The following DENND2B variants were observed in gnomAD, a reference collection of about 807,000 sequenced individuals.
The protein encoded by DENND2B is DENN domain containing 2B.
DENND2B carries 32 observed loss-of-function variants against 116.0 expected under a neutral mutation model. The ratio of observed to expected loss-of-function variants is 0.28; its 90% confidence interval spans 0.21 to 0.37. The LOEUF (loss-of-function observed/expected upper bound fraction) is 0.37, where lower values mean the gene tolerates loss of function less well. Ranked by LOEUF, DENND2B falls within the 10% of genes least tolerant of loss-of-function variation. The pLI is 1.00. For synonymous variants in DENND2B, 588 were observed against 583.9 expected (o/e 1.01, Z -0.10); for missense variants, 1,276 against 1,477.7 (o/e 0.86, Z 2.24).
chr11:8,716,650 C>CTT (rs5789583), intron 5 of DENND2B, among the ~76,000 whole-genome samples: 4 of 145,078 alleles, frequency 2.8e-5, no homozygotes, highest in Non-Finnish European at 6.1e-5. Flanking sequence ...GAGGGTAAAT[C>CTT]TTTTTTTTTT....
intron 4 of DENND2B, among the ~76,000 whole-genome samples, chr11:8,818,061 A>C (rs529676486): frequency 6.7e-6 from 1 of 149,534 alleles, no homozygotes; most frequent in East Asian, 2.0e-4. Context: ...CAGGAGTTTG[A>C]GACCAGCCTG....
In DENND2B at chr11:8,693,720, C is replaced by CAGGT. The variant is rs1191166058; in HGVS notation, c.*375_*376insACCT. On this transcript the variant is annotated 3_prime_UTR_variant, in exon 20 of 20. Transcript: ENST00000313726. Reference sequence around the variant, plus strand: ...CGGGACTGGCAGCGGGGACCTCAGGCAGGCAGGCAGGCCGAAGGCCTCCAG... The same window carrying CAGGT: ...CGGGACTGGCAGCGGGGACCTCAGGCAGGTAGGCAGGCAGGCCGAAGGCCTCCAG... 1 of 208,116 alleles carries CAGGT rather than the reference C, an allele frequency of 4.8e-6. No homozygotes were observed. The highest frequency in any genetic ancestry group is 9.5e-6 in the Non-Finnish European group (1 of 104,794). 12.9% of individuals were successfully genotyped at this position (208,116 alleles called of 1,614,324 possible). A position where few individuals can be genotyped will look rare whatever the true frequency, so the allele number is the denominator to read the frequency against.
chr11:8,791,311 T>C (rs949478392), intron 1 of DENND2B, among the ~76,000 whole-genome samples: 4 of 152,166 alleles, frequency 2.6e-5, no homozygotes, highest in South Asian at 2.1e-4. Flanking sequence ...GCAAAGGGGA[T>C]TCATGCAACT....
At chr11:8,880,107 CACAG>C (rs1240140020) in intron 2 of DENND2B, among the ~76,000 whole-genome samples, 1 of 152,212 alleles carries the variant, frequency 6.6e-6, no homozygotes, top group African/African-American at 2.4e-5. Flanking sequence ...GTTGACATAC[CACAG>C]ACAAAGGACA....
chr11:8,896,066 A>G (rs11042113), intron 1 of DENND2B, among the ~76,000 whole-genome samples: 7,484 of 152,300 alleles, frequency 0.049, 513 homozygotes, highest in African/African-American at 0.16. Context: ...TATAACTTAC[A>G]TTTATTAAAT....
Position 8,730,817 on chromosome 11 carries a change from C to T in DENND2B, c.473G>A (p.Arg158His), listed in dbSNP as rs945683646. 3.1e-6 allele frequency: 5 copies of T among 1,613,160 alleles called. No homozygotes were observed. In the East Asian group the frequency reaches 1.1e-4, roughly 36 times the overall value. ...CTCCCGGATGCCCAGGCTGTGGGCG[C>T]GGGTACCGGTACGGGTCAGCAAGAC... ...RGVLLTRTGT[R>H]AHSLGIREKI... Residue 158 changes from arginine (R) to histidine (H), a missense_variant, in exon 3 of 20, where the codon CGC becomes CAC. By Grantham distance (29) the Arg-to-His change is conservative (BLOSUM62 0). Coordinates refer to ENST00000313726, the MANE Select transcript of DENND2B (RefSeq NM_213618.2). The surrounding 1 kb of genome is among the most constrained non-coding windows in gnomAD (Gnocchi z 4.1).
intron 2 of DENND2B, among the ~76,000 whole-genome samples, chr11:8,733,991 C>A (rs1442358388): frequency 6.6e-6 from 1 of 152,166 alleles, no homozygotes; most frequent in Non-Finnish European, 1.5e-5. Context: ...CCCAGCCTCC[C>A]CACACAGGCC....
chr11:8,697,871 G>A (rs1375920223), intron 16 of DENND2B: 4 of 552,900 alleles, frequency 7.2e-6, no homozygotes, highest in East Asian at 3.5e-5. Context: ...GCTCACGCCA[G>A]TAATCCCAAC....
At chr11:8,713,295 C>A (rs1223139880) in intron 8 of DENND2B, among the ~76,000 whole-genome samples, 4 of 152,114 alleles carry the variant, frequency 2.6e-5, no homozygotes, top group African/African-American at 9.7e-5. Context: ...GCAGGGCCTC[C>A]AGAGAAACAG....
intron 4 of DENND2B, among the ~76,000 whole-genome samples, chr11:8,836,046 T>C (rs1566034228): frequency 6.6e-6 from 1 of 151,844 alleles, no homozygotes; most frequent in African/African-American, 2.4e-5. Context: ...ATGGAATACA[T>C]AAAAACATGG....
intron 4 of DENND2B, among the ~76,000 whole-genome samples, chr11:8,823,375 TAGA>T (rs2061840269): frequency 6.6e-6 from 1 of 152,192 alleles, no homozygotes; most frequent in Non-Finnish European, 1.5e-5. Context: ...CTGGAACTCC[TAGA>T]AGTTTAGGCA....
chr11:8,896,042 T>C lies in DENND2B; in HGVS notation c.-256+14779A>G, dbSNP rs1413839317. On this transcript the variant is annotated intron_variant, in intron 1 of 22. Coordinates refer to the DENND2B transcript ENST00000534127. ...GATATAAATACTTGAATGCAAACAG[T>C]AATATAATCACAGTATAACTTACAT... Among the ~76,000 whole-genome samples the C allele has an allele frequency of 2.6e-5, 4 of 152,290 alleles. No individual in the cohort carries two copies. In the East Asian group the frequency reaches 7.7e-4, roughly 29 times the overall value.
intron 3 of DENND2B, 165 bp from the exon 4 acceptor site, chr11:8,726,374 T>C (rs2133898946): frequency 1.1e-6 from 1 of 913,048 alleles, no homozygotes; most frequent in Non-Finnish European, 1.6e-6. Flanking sequence ...AAGAGACAGA[T>C]GGTCTGAAAG....
chr11:8,778,183 G>A lies in DENND2B; in HGVS notation c.-25-27458C>T, dbSNP rs376070555. Among the ~76,000 whole-genome samples the A allele has an allele frequency of 1.2e-4, 19 of 152,316 alleles. 1 individual carries two copies. In the South Asian group the frequency reaches 1.5e-3, roughly 12 times the overall value. On this transcript the variant is annotated intron_variant, in intron 1 of 19. Transcript: ENST00000313726. Reference sequence around the variant, plus strand: ...GGAAAGAAGTTACCATTGGCCCTTGGATCACCAGCAACTAGCTCGAAAGAG... The same window carrying A: ...GGAAAGAAGTTACCATTGGCCCTTGAATCACCAGCAACTAGCTCGAAAGAG...
At chr11:8,867,118 C>T (rs1386067706) in intron 2 of DENND2B, among the ~76,000 whole-genome samples, 1 of 152,168 alleles carries the variant, frequency 6.6e-6, no homozygotes, top group Non-Finnish European at 1.5e-5. Context: ...GGCCAAACAA[C>T]CAAGTCTCCA....
chr11:8,792,050 C>G (rs985118487), intron 1 of DENND2B, among the ~76,000 whole-genome samples: 7 of 151,804 alleles, frequency 4.6e-5, no homozygotes, highest in Non-Finnish European at 8.8e-5. Context: ...TACAAAAATA[C>G]AAAAATTAGC....
chr11:8,803,331 G>C (rs1458588321), intron 1 of DENND2B, among the ~76,000 whole-genome samples: 3 of 152,208 alleles, frequency 2.0e-5, no homozygotes, highest in Admixed American at 6.5e-5. Context: ...GCTGCAGTGA[G>C]CCAAGATCAT....
chr11:8,729,491 G>A (rs970036244), intron 3 of DENND2B, among the ~76,000 whole-genome samples: 5 of 152,288 alleles, frequency 3.3e-5, no homozygotes, highest in Middle Eastern at 3.4e-3. Flanking sequence ...TAAATTTGCC[G>A]ACACTACCAT....
At chr11:8,716,467 C>G (rs1200953032) in intron 5 of DENND2B, among the ~76,000 whole-genome samples, 1 of 152,156 alleles carries the variant, frequency 6.6e-6, no homozygotes, top group African/African-American at 2.4e-5. Flanking sequence ...TGTCGCGGAC[C>G]CTGTCAGGAG....
Sources: allele counts gnomAD v4.1 joint callset (sites outside exome capture counted in the v4.1 genomes callset), GRCh38; gene constraint gnomAD v4.1.1; non-coding constraint Gnocchi (gnomAD v3.1); transcripts MANE v1.5; gene names NCBI Gene and HGNC (gene_info 2026-07-23, HGNC 2026-07-21).